KCNJ12: variants seen among roughly 807,000 people sequenced by gnomAD.
KCNJ12 encodes potassium inwardly rectifying channel subfamily J member 12, also known as ATP-sensitive inward rectifier potassium channel 12.
A neutral mutation model predicts 22.3 loss-of-function variants in KCNJ12; 2 were observed. The observed-to-expected ratio is 0.09, with a 90% CI of 0.04 to 0.28. The LOEUF is 0.28. KCNJ12 is among the 10% of genes least tolerant of loss of function. The pLI, the probability that KCNJ12 is intolerant of heterozygous loss-of-function variation, is 1.00. For synonymous variants in KCNJ12, 117 were observed against 261.4 expected, an observed-to-expected ratio of 0.45 and a Z score of 5.33; for missense variants, 155 against 633.3, an observed-to-expected ratio of 0.24 and a Z score of 8.11.
chr17:21,385,605 C>T (rs1368750559), intron 1 of KCNJ12, among the ~76,000 whole-genome samples: 6 of 152,322 alleles, frequency 3.9e-5, no homozygotes, highest in South Asian at 2.1e-4. Context: ...GGAGTGGCCC[C>T]GGCCCTCCCT....
In KCNJ12 at chr17:21,417,393, A is replaced by C. The variant is rs1162796452; in HGVS notation, c.*749A>C. On this transcript the variant is annotated 3_prime_UTR_variant, in exon 3 of 3. Transcript: ENST00000583088. ...CGTTGGGGTGGTGGGTGGGGCTGGGAAGAAACTGGTTTGAGCTTTTAGAGT... is the reference window on the plus strand; with the variant it reads ...CGTTGGGGTGGTGGGTGGGGCTGGGCAGAAACTGGTTTGAGCTTTTAGAGT... 6.0e-6 allele frequency: 1 copy of C among 167,136 alleles called. No homozygotes were observed. Among genetic ancestry groups the C allele is most frequent in the African/African-American group, 2.4e-5 (1 of 41,464 alleles). 10.4% of individuals were successfully genotyped at this position (167,136 alleles called of 1,614,324 possible).
At chr17:21,382,835 C>T (rs1904920567) in intron 1 of KCNJ12, among the ~76,000 whole-genome samples, 1 of 152,142 alleles carries the variant, frequency 6.6e-6, no homozygotes, top group African/African-American at 2.4e-5. Flanking sequence ...AAAAGGAAAC[C>T]AGGTAACATG....
rs113730678 is a variant in KCNJ12 at position 21,409,590 on chromosome 17, G to A, written c.-57+950G>A. Among the ~76,000 whole-genome samples, 9 of 152,382 alleles carry A rather than the reference G, an allele frequency of 5.9e-5. No individual in the cohort carries two copies. The East Asian group carries it at 1.7e-3, about 30-fold the overall frequency. On this transcript the variant is annotated intron_variant, in intron 2 of 2. Transcript: ENST00000583088. ...GTGCCCCTCCCAGGGGCAGCTTGCT[G>A]GGGCCCAGCCACCTGCTCCCATCAG...
intron 1 of KCNJ12, among the ~76,000 whole-genome samples, chr17:21,384,245 T>C (rs1420418781): frequency 6.6e-6 from 1 of 152,202 alleles, no homozygotes; most frequent in Non-Finnish European, 1.5e-5. Flanking sequence ...CATCCTGTCG[T>C]CCTGGGCATG....
rs182236796 is a variant in KCNJ12 at position 21,383,177 on chromosome 17, G to A, written c.-179+6264G>A. Among the ~76,000 whole-genome samples the A allele has an allele frequency of 2.8e-3, 431 of 152,364 alleles. 3 individuals carry two copies. Among genetic ancestry groups the A allele is most frequent in the Admixed American group, 0.012 (186 of 15,314 alleles). On this transcript the variant is annotated intron_variant, in intron 1 of 2. Coordinates refer to ENST00000583088, the MANE Select transcript of KCNJ12 (RefSeq NM_021012.5). ...AGGGGGATGGAGTGGCCTGGTGGCCGGAGGTGTGCCCTTGCCCCTGCCCGC... is the reference window on the plus strand; with the variant it reads ...AGGGGGATGGAGTGGCCTGGTGGCCAGAGGTGTGCCCTTGCCCCTGCCCGC...
rs1906674585 is a variant in KCNJ12 at position 21,415,581 on chromosome 17, G to A, written c.239G>A (p.Trp80Ter). Residue 80 changes from tryptophan to a stop codon, truncating the protein, a stop_gained, in exon 3 of 3, where the codon TGG (tryptophan) becomes TAG (stop). Transcript: ENST00000583088. LOFTEE classifies it high-confidence loss of function. The stretch of plus-strand genomic sequence containing the variant: ...TTCACCACCTGTGTGGACATCCGCT[G>A]GCGGTACATGCTGCTCATCTTCTCG... ...DMFTTCVDIR[W>*]RYMLLIFSLA... 6.2e-7 allele frequency: 1 copy of A among 1,614,248 alleles called. No homozygotes were observed. Among genetic ancestry groups the A allele is most frequent in the Admixed American group, 1.7e-5 (1 of 60,034 alleles).
intron 1 of KCNJ12, among the ~76,000 whole-genome samples, chr17:21,384,771 T>C (rs1333523948): frequency 2.8e-5 from 1 of 36,062 alleles, no homozygotes; most frequent in Non-Finnish European, 8.8e-5. Context: ...TGTTTGTTTG[T>C]TTTTTTTTTT....
intron 1 of KCNJ12, among the ~76,000 whole-genome samples, chr17:21,383,329 C>T (rs537597581): frequency 9.2e-5 from 14 of 152,330 alleles, no homozygotes; most frequent in African/African-American, 2.6e-4. Flanking sequence ...GAGCCAACCC[C>T]GCCCCGACCC....
chr17:21,402,600 G>A (rs1303110469), intron 1 of KCNJ12, among the ~76,000 whole-genome samples: 34 of 152,154 alleles, frequency 2.2e-4, no homozygotes, highest in African/African-American at 8.0e-4. Flanking sequence ...TCCTGCCCAT[G>A]GTAGGGTGAA....
intron 1 of KCNJ12, among the ~76,000 whole-genome samples, chr17:21,386,375 GT>G (rs1905069621): frequency 6.6e-6 from 1 of 152,126 alleles, no homozygotes; most frequent in African/African-American, 2.4e-5. Context: ...GTCTCACTCT[GT>G]CAACCATGGC....
intron 1 of KCNJ12, among the ~76,000 whole-genome samples, chr17:21,387,508 C>T (rs573587018): frequency 8.7e-5 from 13 of 150,138 alleles, no homozygotes; most frequent in Non-Finnish European, 1.8e-4. Flanking sequence ...AGACATCGAG[C>T]GCTGGGGTGA....
chr17:21,400,351 C>T (rs1905533182), intron 1 of KCNJ12, among the ~76,000 whole-genome samples: 1 of 152,428 alleles, frequency 6.6e-6, no homozygotes, highest in South Asian at 2.1e-4. Context: ...CTCTTGTTTC[C>T]AGCCCTGTTG....
intron 1 of KCNJ12, among the ~76,000 whole-genome samples, chr17:21,395,568 CAAAAAAAAA>C (rs10652801): frequency 8.3e-5 from 4 of 48,140 alleles, no homozygotes; most frequent in African/African-American, 4.1e-4. Flanking sequence ...GACTTCTTCT[CAAAAAAAAA>C]AAAAAAAAAA....
At chr17:21,381,614 G>T (rs554168041) in intron 1 of KCNJ12, among the ~76,000 whole-genome samples, 4 of 151,946 alleles carry the variant, frequency 2.6e-5, no homozygotes, top group African/African-American at 9.7e-5. Flanking sequence ...CTCCCTTACC[G>T]CTTTCATGTC....
At chr17:21,391,226 C>A (rs1216583137) in intron 1 of KCNJ12, among the ~76,000 whole-genome samples, 1 of 152,250 alleles carries the variant, frequency 6.6e-6, no homozygotes, top group African/African-American at 2.4e-5. Context: ...CCTTTGGCAC[C>A]TGTGAACGGT....
At chr17:21,414,250 G>A (rs28525048) in intron 2 of KCNJ12, among the ~76,000 whole-genome samples, 18,907 of 151,466 alleles carry the variant, frequency 0.12, 8 homozygotes, top group African/African-American at 0.39. Context: ...CGAGGCAGGT[G>A]GATCACCTGA....
At chr17:21,407,199 CCCATCCACCCACCCAT>C (rs1906000203) in intron 1 of KCNJ12, among the ~76,000 whole-genome samples, 1 of 152,278 alleles carries the variant, frequency 6.6e-6, no homozygotes, top group Admixed American at 6.5e-5. Context: ...CATCTACCCA[CCCATCCACCCACCCAT>C]CCATTCACCC....
intron 2 of KCNJ12, among the ~76,000 whole-genome samples, chr17:21,415,001 C>T (rs1229773812): frequency 3.9e-5 from 6 of 152,298 alleles, no homozygotes; most frequent in African/African-American, 7.2e-5. Flanking sequence ...AGATTCAGGC[C>T]TTGAGGGTGG....
intron 1 of KCNJ12, among the ~76,000 whole-genome samples, chr17:21,379,635 C>T (rs561377960): frequency 1.3e-5 from 2 of 152,254 alleles, no homozygotes; most frequent in East Asian, 1.9e-4. Flanking sequence ...ATGGAAGGTG[C>T]GGTGGGTGGG....
Sources: allele counts gnomAD v4.1 joint callset (sites outside exome capture counted in the v4.1 genomes callset), GRCh38; gene constraint gnomAD v4.1.1; transcripts MANE v1.5; gene names NCBI Gene and HGNC (gene_info 2026-07-23, HGNC 2026-07-21).